The following DGKB variants were observed in gnomAD, a reference collection of about 807,000 sequenced individuals.
DGKB encodes the protein 90 kDa diacylglycerol kinase.
In DGKB, 67 loss-of-function variants were observed where a neutral mutation model predicts 114.3. The ratio of observed to expected loss-of-function variants is 0.59; its 90% CI spans 0.48 to 0.72. DGKB has a LOEUF of 0.72. Ranked by LOEUF, DGKB falls within the 30% of genes least tolerant of loss-of-function variation. DGKB has a pLI of 0.00. For missense variants in DGKB, 907 were observed against 975.2 expected, an observed-to-expected ratio of 0.93 and a Z score of 0.93; for synonymous variants, 398 against 323.1, an observed-to-expected ratio of 1.23 and a Z score of -2.49.
chr7:14,154,178 T>C (rs1244746189), intron 25 of DGKB, among the ~76,000 whole-genome samples: 1 of 4,656 alleles, frequency 2.1e-4, no homozygotes, highest in East Asian at 0.042. Flanking sequence ...GAGTTTTGTC[T>C]TTTTTTTTTT....
chr7:14,833,553 G>T (rs1006094225), intron 2 of DGKB, among the ~76,000 whole-genome samples: 1 of 152,072 alleles, frequency 6.6e-6, no homozygotes, highest in African/African-American at 2.4e-5. Flanking sequence ...TTCTTCTCAG[G>T]AGTGTATTCA....
chr7:14,704,206 C>A (rs1171031274), intron 6 of DGKB, among the ~76,000 whole-genome samples: 1 of 149,476 alleles, frequency 6.7e-6, no homozygotes, highest in African/African-American at 2.5e-5. Context: ...GAAGCCGAGG[C>A]AGGTGGATCA....
rs117526032 is a variant in DGKB at position 14,514,666 on chromosome 7, T to G, written c.1771-36441A>C. Among the ~76,000 whole-genome samples the G allele has an allele frequency of 5.4e-3, 821 of 152,342 alleles. 5 individuals are homozygous for G. Among genetic ancestry groups the G allele is most frequent in the Middle Eastern group, 0.017 (5 of 294 alleles). ...TATTTGTATCAAATACAGATATTTT[T>G]ATTTTTATCTTGTATCAAATATAGT... is the stretch of plus-strand genomic sequence containing the variant. On this transcript the variant is annotated intron_variant, in intron 20 of 25. Coordinates refer to ENST00000402815, the MANE Select transcript of DGKB (RefSeq NM_001350709.2).
chr7:14,352,951 TAA>T (rs143460115), intron 21 of DGKB, among the ~76,000 whole-genome samples: 1 of 151,354 alleles, frequency 6.6e-6, no homozygotes, highest in Admixed American at 6.6e-5. Flanking sequence ...ACCAAACAAA[TAA>T]AAAAAATAAA....
At chr7:14,775,692 G>T (rs1300028938) in intron 2 of DGKB, among the ~76,000 whole-genome samples, 1 of 151,970 alleles carries the variant, frequency 6.6e-6, no homozygotes, top group Non-Finnish European at 1.5e-5. Context: ...GGATGTGTTT[G>T]ATTCTTTTTC....
At chr7:14,251,374 T>C (rs992917088) in intron 23 of DGKB, among the ~76,000 whole-genome samples, 5 of 152,162 alleles carry the variant, frequency 3.3e-5, no homozygotes, top group East Asian at 1.9e-4. Context: ...ACTTTGACTA[T>C]AGATAATAAT....
chr7:14,881,485 T>C (rs1199331822), intron 1 of DGKB, among the ~76,000 whole-genome samples: 6 of 152,258 alleles, frequency 3.9e-5, no homozygotes, highest in Non-Finnish European at 8.8e-5. Context: ...TATAACAAAA[T>C]TGCCAAAAGA....
intron 8 of DGKB, 125 bp from the exon 9 acceptor site, chr7:14,694,319 TACA>T: frequency 1.2e-6 from 1 of 828,208 alleles, no homozygotes; most frequent in Non-Finnish European, 1.9e-6. Context: ...GCTAACTCAG[TACA>T]ACATTAATTC....
At chr7:14,175,676 C>G (rs1031924313) in intron 25 of DGKB, among the ~76,000 whole-genome samples, 2 of 152,174 alleles carry the variant, frequency 1.3e-5, no homozygotes, top group Non-Finnish European at 2.9e-5. Context: ...TCCTATTGTA[C>G]TTAGAATCAA....
At chr7:14,778,193 G>C (rs1175219677) in intron 2 of DGKB, among the ~76,000 whole-genome samples, 1 of 152,184 alleles carries the variant, frequency 6.6e-6, no homozygotes, top group Non-Finnish European at 1.5e-5. Context: ...AGAGTTAAAA[G>C]ACCTGTGCAA....
intron 1 of DGKB, among the ~76,000 whole-genome samples, chr7:14,918,763 TG>T (rs933940518): frequency 2.6e-5 from 4 of 152,022 alleles, no homozygotes; most frequent in African/African-American, 7.2e-5. Context: ...ATTAACAAAA[TG>T]ATTCTTAAGT....
At chr7:14,935,683 T>C (rs1003754080) in intron 1 of DGKB, among the ~76,000 whole-genome samples, 3 of 152,158 alleles carry the variant, frequency 2.0e-5, no homozygotes, top group Non-Finnish European at 4.4e-5. Flanking sequence ...AATTACATTG[T>C]GGATACCCAA....
intron 15 of DGKB, among the ~76,000 whole-genome samples, chr7:14,614,203 T>C (rs7805844): frequency 0.065 from 9,961 of 152,144 alleles, 1,133 homozygotes; most frequent in African/African-American, 0.23. Context: ...CAATGAAACA[T>C]GCCACGATGG....
chr7:14,215,357 A>C (rs1381052331), intron 23 of DGKB, among the ~76,000 whole-genome samples: 1 of 152,140 alleles, frequency 6.6e-6, no homozygotes, highest in Non-Finnish European at 1.5e-5. Context: ...GAGGCAATGT[A>C]TTTATAAAGT....
Position 14,853,891 on chromosome 7 carries a change from AAAT to A in DGKB, c.-187-12444_-187-12442del, listed in dbSNP as rs1431983463. Among the ~76,000 whole-genome samples, 12 of 138,724 alleles carry A rather than the reference AAAT, an allele frequency of 8.7e-5. 1 individual carries two copies. Among genetic ancestry groups the A allele is most frequent in the African/African-American group, 3.4e-4 (12 of 35,598 alleles). 91.0% of individuals were successfully genotyped at this position (138,724 alleles called of 152,430 possible). On this transcript the variant is annotated intron_variant, in intron 1 of 25. Transcript: ENST00000402815. ...TCAAAAAAAAAAAAAAAAAAAAAAAAAATTTATCATAAAATGGTAATTGGTAGA... is the reference window on the plus strand; with the variant it reads ...TCAAAAAAAAAAAAAAAAAAAAAAAATTATCATAAAATGGTAATTGGTAGA...
At chr7:14,853,317 T>A (rs959739675) in intron 1 of DGKB, among the ~76,000 whole-genome samples, 4 of 152,120 alleles carry the variant, frequency 2.6e-5, no homozygotes, top group Non-Finnish European at 5.9e-5. Flanking sequence ...TATTTTCTTC[T>A]GAAAGCATTG....
chr7:14,887,650 A>C (rs1418668791), intron 1 of DGKB, among the ~76,000 whole-genome samples: 1 of 151,802 alleles, frequency 6.6e-6, no homozygotes, highest in African/African-American at 2.4e-5. Context: ...ACACATTTTA[A>C]AAATAAATCT....
intron 20 of DGKB, among the ~76,000 whole-genome samples, chr7:14,549,663 G>A (rs1794825207): frequency 6.6e-6 from 1 of 152,102 alleles, no homozygotes; most frequent in Non-Finnish European, 1.5e-5. Context: ...TAAAAACACA[G>A]AAAAGTTATC....
At chr7:14,518,636 T>C (rs939548153) in intron 20 of DGKB, among the ~76,000 whole-genome samples, 1 of 151,976 alleles carries the variant, frequency 6.6e-6, no homozygotes, top group Non-Finnish European at 1.5e-5. Context: ...GAGATAAGAG[T>C]TGTTCCCCAG....
Sources: allele counts gnomAD v4.1 joint callset (sites outside exome capture counted in the v4.1 genomes callset), GRCh38; gene constraint gnomAD v4.1.1; transcripts MANE v1.5; gene names NCBI Gene and HGNC (gene_info 2026-07-23, HGNC 2026-07-21).